Variants in PFKP observed in about 807,000 individuals in gnomAD.
PFKP encodes the protein phosphofructokinase, platelet.
Under a neutral mutation model 94.3 loss-of-function variants are expected in PFKP, and 101 were observed. The ratio of observed to expected loss-of-function variants is 1.07; its 90% CI spans 0.91 to 1.26. PFKP has a LOEUF of 1.26. Ranked by LOEUF, PFKP falls within the 50% of genes most tolerant of loss-of-function variation. The probability of loss-of-function intolerance (pLI) is 0.00; values close to 1 mark genes in which losing one functional copy is unlikely to be tolerated. For missense variants in PFKP, 1,145 were observed against 1,103.3 expected, an observed-to-expected ratio of 1.04 and a Z score of -0.53; for synonymous variants, 573 against 432.6, an observed-to-expected ratio of 1.32 and a Z score of -4.03.
At chr10:3,092,167 G>T (rs1366119621) in intron 2 of PFKP, among the ~76,000 whole-genome samples, 1 of 152,136 alleles carries the variant, frequency 6.6e-6, no homozygotes, top group African/African-American at 2.4e-5. Flanking sequence ...CAGCAGCCCT[G>T]TCCCTGCACC....
chr10:3,079,950 T>TG (rs1035079115), intron 1 of PFKP, among the ~76,000 whole-genome samples: 6 of 150,524 alleles, frequency 4.0e-5, no homozygotes, highest in African/African-American at 1.5e-4. Context: ...TGGAATCAGG[T>TG]GGGAGGCTCT....
In PFKP at chr10:3,134,052, A is replaced by G. The variant is rs572206820; in HGVS notation, c.2023-431A>G. On this transcript the variant is annotated intron_variant, in intron 19 of 21. Coordinates refer to ENST00000381125, the MANE Select transcript of PFKP (RefSeq NM_002627.5). Reference sequence around the variant, plus strand: ...GGTCCAGGCCTCCTAACTTGCACACACTCCTTCCTCACCACCTCCTATTCT... The same window carrying G: ...GGTCCAGGCCTCCTAACTTGCACACGCTCCTTCCTCACCACCTCCTATTCT... Among the ~76,000 whole-genome samples, 678 of 151,924 alleles carry G rather than the reference A, an allele frequency of 4.5e-3. 4 individuals are homozygous for G. The highest frequency in any genetic ancestry group is 0.016 in the African/African-American group (643 of 41,394).
chr10:3,090,456 C>T (rs1018767019), intron 2 of PFKP, among the ~76,000 whole-genome samples: 35 of 152,164 alleles, frequency 2.3e-4, no homozygotes, highest in African/African-American at 7.5e-4. Context: ...GGATGAGACG[C>T]GCATGCCTTT....
At chr10:3,103,467 AGT>A (rs1174783530) in intron 4 of PFKP, among the ~76,000 whole-genome samples, 1 of 152,132 alleles carries the variant, frequency 6.6e-6, no homozygotes, top group Non-Finnish European at 1.5e-5. Context: ...GGCAACATAG[AGT>A]GTGGGTCTAC....
intron 1 of PFKP, among the ~76,000 whole-genome samples, chr10:3,078,807 G>C (rs1001038008): frequency 1.3e-5 from 2 of 152,166 alleles, no homozygotes; most frequent in Non-Finnish European, 2.9e-5. Context: ...CAGTCAGCAA[G>C]GGACGTCCTA....
intron 1 of PFKP, chr10:3,069,387 C>A (rs779546469): frequency 1.2e-4 from 183 of 1,587,492 alleles, no homozygotes; most frequent in Non-Finnish European, 1.5e-4. Flanking sequence ...CGGAGATGTG[C>A]GGGTACGAAT....
In PFKP at chr10:3,109,385, G is replaced by A. The variant is rs765391580; in HGVS notation, c.994G>A (p.Ala332Thr). ...CCGCATGGGAGTGGAGGCAGTCATCGCCTTGCTAGAGGCCACCCCGGACAC... is the reference window on the plus strand; with the variant it reads ...CCGCATGGGAGTGGAGGCAGTCATCACCTTGCTAGAGGCCACCCCGGACAC... ...ASRMGVEAVI[A>T]LLEATPDTPA... The change falls in exon 10 of 22, where the codon GCC becomes ACC. Residue 332 changes from alanine to threonine, a missense_variant. This residue lies in a region of PFKP where 1,119 missense variants were observed against 1,062.8 expected (regional missense o/e 1.05). Coordinates refer to ENST00000381125, the MANE Select transcript of PFKP (RefSeq NM_002627.5). 21 of 1,610,538 alleles carry A rather than the reference G, an allele frequency of 1.3e-5. No individual in the cohort carries two copies. Among genetic ancestry groups the A allele is most frequent in the Non-Finnish European group, 1.7e-5 (20 of 1,179,988 alleles).
intron 1 of PFKP, 45 bp downstream of exon 1, chr10:3,067,752 A>ACGGACGGC: frequency 9.4e-7 from 1 of 1,069,122 alleles, no homozygotes. Flanking sequence ...GGACGGACGG[A>ACGGACGGC]GCTGGGGAGA....
chr10:3,121,999 T>C (rs181058670), intron 16 of PFKP, among the ~76,000 whole-genome samples: 55 of 151,944 alleles, frequency 3.6e-4, no homozygotes, highest in Admixed American at 3.2e-3. Context: ...TTTTTTGTAT[T>C]TCCATAGAGA....
chr10:3,093,661 T>TTTG (rs1834234003), intron 2 of PFKP, among the ~76,000 whole-genome samples: 1 of 107,722 alleles, frequency 9.3e-6, no homozygotes, highest in Non-Finnish European at 1.9e-5. Context: ...TTTTTTTTTT[T>TTTG]GAGACAGAGT....
chr10:3,117,821 G>A (rs1836989445), intron 14 of PFKP, among the ~76,000 whole-genome samples: 1 of 152,216 alleles, frequency 6.6e-6, no homozygotes, highest in African/African-American at 2.4e-5. Flanking sequence ...GCTGGCTGTT[G>A]TGGGCTCGTC....
rs549125389 is a variant in PFKP, at chr10:3,128,335, T to C, written c.1684-1484T>C. Among the ~76,000 whole-genome samples, 668 of 152,268 alleles carry C rather than the reference T, an allele frequency of 4.4e-3. 3 individuals carry two copies. The highest frequency in any genetic ancestry group is 0.015 in the African/African-American group (633 of 41,556). On this transcript the variant is annotated intron_variant, in intron 16 of 21. Coordinates refer to ENST00000381125, the MANE Select transcript of PFKP (RefSeq NM_002627.5). ...GGATAATTTCTGTGAAGAGAGGACATGGGGTGGCTCCGAGAGCCCCTGACA... is the reference window on the plus strand; with the variant it reads ...GGATAATTTCTGTGAAGAGAGGACACGGGGTGGCTCCGAGAGCCCCTGACA...
At chr10:3,099,825 T>C (rs1376399935) in intron 3 of PFKP, among the ~76,000 whole-genome samples, 1 of 151,874 alleles carries the variant, frequency 6.6e-6, no homozygotes, top group Non-Finnish European at 1.5e-5. Context: ...TTGAAGTGCG[T>C]ATGTGTATCA....
chr10:3,123,651 C>T lies in PFKP; in HGVS notation c.1683+3607C>T, dbSNP rs1448532684. Among the ~76,000 whole-genome samples, 11 of 152,308 alleles carry T rather than the reference C, an allele frequency of 7.2e-5. No homozygotes were observed. In the South Asian group the frequency reaches 1.2e-3, roughly 17 times the overall value. On this transcript the variant is annotated intron_variant, in intron 16 of 21. Coordinates refer to ENST00000381125, the MANE Select transcript of PFKP (RefSeq NM_002627.5). ...AGCCAGTCTTGGTCAGTCCTGAGCT[C>T]GGGTATTCCACAGTAAAGTGAGCGA...
chr10:3,110,378 T>TC (rs985254166), intron 10 of PFKP, among the ~76,000 whole-genome samples: 1 of 146,180 alleles, frequency 6.8e-6, no homozygotes, highest in Admixed American at 6.8e-5. Flanking sequence ...TTTTTTTTTT[T>TC]TTTTTTTTTT....
chr10:3,136,372 G>A (rs560088003), intron 21 of PFKP, 78 bp from the exon 22 acceptor site: 87 of 1,497,028 alleles, frequency 5.8e-5, no homozygotes, highest in Admixed American at 1.7e-4. Context: ...TGGCAAGACC[G>A]CTCGCTGTGC....
At chr10:3,081,761 T>C (rs538963357) in intron 1 of PFKP, among the ~76,000 whole-genome samples, 14 of 85,720 alleles carry the variant, frequency 1.6e-4, no homozygotes, top group East Asian at 1.4e-3. Flanking sequence ...AGCAGACTTA[T>C]ATGATACATT....
At chr10:3,095,524 G>T (rs1834413617) in intron 2 of PFKP, among the ~76,000 whole-genome samples, 1 of 152,168 alleles carries the variant, frequency 6.6e-6, no homozygotes, top group Non-Finnish European at 1.5e-5. Flanking sequence ...TTGTGAGTCA[G>T]AGTCAACAAG....
chr10:3,074,387 A>C (rs1245266290), intron 1 of PFKP, among the ~76,000 whole-genome samples: 1 of 152,032 alleles, frequency 6.6e-6, no homozygotes, highest in Non-Finnish European at 1.5e-5. Context: ...CGTAGAGGAG[A>C]GTGGCCCAGT....
Sources: gnomAD v4.1 joint callset for allele counts (sites outside exome capture counted in the v4.1 genomes callset) on GRCh38, gnomAD v4.1.1 for gene constraint, gnomAD v4.1.1 regional missense constraint, MANE v1.5 for transcripts, NCBI Gene and HGNC (gene_info 2026-07-23, HGNC 2026-07-21) for gene names.